Variants in METTL15 observed in about 807,000 individuals in gnomAD.
The protein encoded by METTL15 is 12S rRNA N(4)-cytidine methyltransferase METTL15.
Under a neutral mutation model 38.3 loss-of-function variants are expected in METTL15, and 34 were observed. The ratio of observed to expected loss-of-function variants is 0.89; its 90% CI spans 0.68 to 1.18. The LOEUF (loss-of-function observed/expected upper bound fraction) is 1.18, where lower values mean the gene tolerates loss of function less well. Ranked by LOEUF, METTL15 falls within the 50% of genes most tolerant of loss-of-function variation. The pLI is 0.00. For synonymous variants in METTL15, 162 were observed against 170.9 expected, an observed-to-expected ratio of 0.95 and a Z score of 0.41; for missense variants, 438 against 498.4, an observed-to-expected ratio of 0.88 and a Z score of 1.15.
intron 5 of METTL15, among the ~76,000 whole-genome samples, chr11:28,422,325 T>A (rs955335727): frequency 1.3e-5 from 2 of 151,748 alleles, no homozygotes; most frequent in African/African-American, 4.8e-5. Context: ...TTCACAGAAA[T>A]AGAAAAAAAC....
chr11:28,346,682 CA>C lies in METTL15; in HGVS notation c.*190-5406del, dbSNP rs541939773. On this transcript the variant is annotated intron_variant and NMD_transcript_variant, in intron 3 of 7. Coordinates refer to the METTL15 transcript ENST00000532947. The stretch of plus-strand genomic sequence containing the variant: ...TTTCAAAATCAAAAATACTTTACAA[CA>C]ATAACAATGTTTAAGAAGAAATGTG... Among the ~76,000 whole-genome samples the C allele has an allele frequency of 2.0e-3, 302 of 152,214 alleles. 1 individual carries two copies. Among genetic ancestry groups the C allele is most frequent in the African/African-American group, 6.9e-3 (288 of 41,542 alleles).
At chr11:28,409,458 G>T (rs907269474) in intron 5 of METTL15, among the ~76,000 whole-genome samples, 1 of 146,454 alleles carries the variant, frequency 6.8e-6, no homozygotes, top group African/African-American at 2.5e-5. Flanking sequence ...TTATGAACTA[G>T]AAATTAATAA....
At chr11:28,191,599 A>G (rs1261285370) in intron 3 of METTL15, among the ~76,000 whole-genome samples, 3 of 151,610 alleles carry the variant, frequency 2.0e-5, no homozygotes, top group Non-Finnish European at 4.4e-5. Flanking sequence ...TTCAGGTTCT[A>G]TGGTTAGTAA....
At chr11:28,428,287 G>A (rs1850882820) in intron 6 of METTL15, among the ~76,000 whole-genome samples, 1 of 152,122 alleles carries the variant, frequency 6.6e-6, no homozygotes, top group South Asian at 2.1e-4. Context: ...TGGTAAGTAT[G>A]TGTGTGTCTA....
intron 5 of METTL15, among the ~76,000 whole-genome samples, chr11:28,395,997 A>C (rs1193574366): frequency 6.6e-6 from 1 of 152,040 alleles, no homozygotes; most frequent in African/African-American, 2.4e-5. Context: ...GACAAAAACC[A>C]CATGGTTGTC....
At chr11:28,207,647 T>C (rs563805718) in intron 3 of METTL15, among the ~76,000 whole-genome samples, 88 of 152,302 alleles carry the variant, frequency 5.8e-4, no homozygotes, top group Non-Finnish European at 9.8e-4. Flanking sequence ...GAGGATTCCC[T>C]CTTTTTCTAT....
chr11:28,377,077 C>G (rs1417674612), intron 5 of METTL15, among the ~76,000 whole-genome samples: 4 of 134,848 alleles, frequency 3.0e-5, no homozygotes, highest in African/African-American at 5.1e-5. Context: ...ACCTTTCTCT[C>G]TGGCTGCCCT....
chr11:28,341,188 G>A (rs913770789), intron 3 of METTL15, among the ~76,000 whole-genome samples: 32 of 152,112 alleles, frequency 2.1e-4, no homozygotes, highest in Non-Finnish European at 3.7e-4. Flanking sequence ...GGGGCTAGGG[G>A]AGGGATAGCA....
At chr11:28,469,351 T>G (rs1419515614) in intron 6 of METTL15, among the ~76,000 whole-genome samples, 2 of 152,214 alleles carry the variant, frequency 1.3e-5, no homozygotes, top group Non-Finnish European at 2.9e-5. Flanking sequence ...TGTGAAGTTA[T>G]TATCACAATA....
chr11:28,505,092 G>A (rs1054972360), intron 6 of METTL15, among the ~76,000 whole-genome samples: 5 of 152,194 alleles, frequency 3.3e-5, no homozygotes, highest in Non-Finnish European at 7.3e-5. Flanking sequence ...GGACCTGGTG[G>A]GAAGCTGGCT....
At position 28,438,009 on chromosome 11, in the gene METTL15, A is replaced by T. The variant is rs768171032; in HGVS notation, c.*424+13645A>T. On this transcript the variant is annotated intron_variant and NMD_transcript_variant, in intron 6 of 7. Transcript: ENST00000532947. ...GGTGCTCAATAAATATTTACTGAATAAAAAAAATGAATCATTGAATAGCTA... is the reference window on the plus strand; with the variant it reads ...GGTGCTCAATAAATATTTACTGAATTAAAAAAATGAATCATTGAATAGCTA... Among the ~76,000 whole-genome samples, 7 of 53,404 alleles carry T rather than the reference A, an allele frequency of 1.3e-4. No homozygotes were observed. In the South Asian group the frequency reaches 2.0e-3, roughly 15 times the overall value. 35.0% of individuals were successfully genotyped at this position (53,404 alleles called of 152,430 possible).
At chr11:28,507,366 C>G (rs1851636863) in intron 6 of METTL15, among the ~76,000 whole-genome samples, 1 of 152,144 alleles carries the variant, frequency 6.6e-6, no homozygotes, top group African/African-American at 2.4e-5. Context: ...CTCCTAAGAA[C>G]TCACTATCAC....
intron 4 of METTL15, among the ~76,000 whole-genome samples, chr11:28,236,032 G>T (rs11030259): frequency 0.46 from 69,961 of 151,824 alleles, 17,754 homozygotes; most frequent in Admixed American, 0.56. Context: ...GTTGAATTTT[G>T]TCAAAGGCCT....
intron 5 of METTL15, among the ~76,000 whole-genome samples, chr11:28,292,514 A>G (rs531678616): frequency 6.6e-6 from 1 of 152,196 alleles, no homozygotes; most frequent in East Asian, 1.9e-4. Flanking sequence ...TGCCTCAATA[A>G]ACATACGTGT....
At chr11:28,440,866 A>T (rs901117907) in intron 6 of METTL15, among the ~76,000 whole-genome samples, 1 of 152,186 alleles carries the variant, frequency 6.6e-6, no homozygotes, top group Non-Finnish European at 1.5e-5. Context: ...GAAAGGTGCC[A>T]TCAAGAATTG....
chr11:28,239,050 C>G (rs766422027), intron 4 of METTL15, among the ~76,000 whole-genome samples: 2 of 151,932 alleles, frequency 1.3e-5, no homozygotes, highest in Non-Finnish European at 2.9e-5. Flanking sequence ...AGGGCTCATT[C>G]TACAGGCCTC....
At chr11:28,359,880 T>A (rs1311080378) in intron 4 of METTL15, among the ~76,000 whole-genome samples, 1 of 152,230 alleles carries the variant, frequency 6.6e-6, no homozygotes, top group Non-Finnish European at 1.5e-5. Context: ...ACTTCTAAAC[T>A]GCATTAATAT....
intron 6 of METTL15, among the ~76,000 whole-genome samples, chr11:28,500,058 G>T (rs1244720491): frequency 6.6e-6 from 1 of 151,702 alleles, no homozygotes; most frequent in African/African-American, 2.4e-5. Context: ...GGTCTGGATG[G>T]GAGGAAATAA....
At chr11:28,384,805 T>C (rs1282800385) in intron 5 of METTL15, among the ~76,000 whole-genome samples, 1 of 152,160 alleles carries the variant, frequency 6.6e-6, no homozygotes, top group Non-Finnish European at 1.5e-5. Flanking sequence ...CCAGCATCTG[T>C]TATTTTTTTA....
Sources: gnomAD v4.1 joint callset for allele counts (sites outside exome capture counted in the v4.1 genomes callset) on GRCh38, gnomAD v4.1.1 for gene constraint, MANE v1.5 for transcripts, NCBI Gene and HGNC (gene_info 2026-07-23, HGNC 2026-07-21) for gene names.